Variants in DTNBP1 observed in about 807,000 individuals in gnomAD.
DTNBP1 encodes the protein dysbindin.
In DTNBP1, 35 loss-of-function variants were observed where a neutral mutation model predicts 42.8. The ratio of observed to expected loss-of-function variants is 0.82; its 90% CI spans 0.63 to 1.09. The LOEUF (loss-of-function observed/expected upper bound fraction) is 1.09. Ranked by LOEUF, DTNBP1 falls within the 50% of genes least tolerant of loss-of-function variation. The pLI, the probability that DTNBP1 is intolerant of heterozygous loss-of-function variation, is 0.00. For synonymous variants in DTNBP1, 171 were observed against 162.2 expected (o/e 1.05, Z -0.41); for missense variants, 457 against 424.2 (o/e 1.08, Z -0.68).
chr6:15,567,010 A>G (rs1775122606), intron 7 of DTNBP1, among the ~76,000 whole-genome samples: 2 of 152,138 alleles, frequency 1.3e-5, no homozygotes, highest in Admixed American at 1.3e-4. Context: ...CCCTATTAAC[A>G]TAACTAGGTC....
rs775443733 is a variant in DTNBP1 at position 15,595,763 on chromosome 6, C to T, written c.489-2682G>A. On this transcript the variant is annotated intron_variant, in intron 6 of 9. Transcript: ENST00000344537. ...ACTGTGAGGTCACAGAGGCCAAAGA[C>T]GACGCAGGTTATATTTAGGAAACAG... 2.4e-4 allele frequency among the ~76,000 whole-genome samples: 36 copies of T among 152,252 alleles called. 1 individual carries two copies. The highest frequency in any genetic ancestry group is 1.5e-3 in the South Asian group (7 of 4,820).
chr6:15,581,854 A>T (rs894239338), intron 7 of DTNBP1, among the ~76,000 whole-genome samples: 1 of 152,180 alleles, frequency 6.6e-6, no homozygotes, highest in Admixed American at 6.5e-5. Flanking sequence ...ATGGTCAAAT[A>T]TTTCCTGTCC....
chr6:15,638,770 T>G (rs1391922518), intron 3 of DTNBP1, among the ~76,000 whole-genome samples: 1 of 152,102 alleles, frequency 6.6e-6, no homozygotes, highest in East Asian at 1.9e-4. Context: ...AAGTACTAAC[T>G]TACAGTTAAT....
At chr6:15,603,268 AC>A (rs1470405850) in intron 6 of DTNBP1, among the ~76,000 whole-genome samples, 1 of 152,248 alleles carries the variant, frequency 6.6e-6, no homozygotes, top group African/African-American at 2.4e-5. Context: ...AAATGTGATT[AC>A]ATTATAATAA....
chr6:15,582,480 A>ATT (rs552728860), intron 7 of DTNBP1, among the ~76,000 whole-genome samples: 98 of 152,308 alleles, frequency 6.4e-4, no homozygotes, highest in Non-Finnish European at 1.2e-3. Context: ...CTTTTCACTA[A>ATT]TTTATTAGAG....
At chr6:15,560,897 C>T (rs1774808139) in intron 7 of DTNBP1, among the ~76,000 whole-genome samples, 1 of 152,214 alleles carries the variant, frequency 6.6e-6, no homozygotes, top group Non-Finnish European at 1.5e-5. Flanking sequence ...TCAAAGCCAA[C>T]TTAAAAAGAG....
chr6:15,660,300 T>C, intron 1 of DTNBP1: 4 of 1,247,682 alleles, frequency 3.2e-6, no homozygotes, highest in Non-Finnish European at 4.2e-6. Flanking sequence ...AAGGCAAAAA[T>C]AATCAGTTAT....
chr6:15,583,191 T>C (rs1219985172), intron 7 of DTNBP1, among the ~76,000 whole-genome samples: 2 of 152,110 alleles, frequency 1.3e-5, no homozygotes, highest in Non-Finnish European at 2.9e-5. Flanking sequence ...TATGTTACCC[T>C]GGGCTGGTGT....
At chr6:15,637,244 G>A (rs1173218262) in intron 4 of DTNBP1, among the ~76,000 whole-genome samples, 1 of 152,164 alleles carries the variant, frequency 6.6e-6, no homozygotes, top group Non-Finnish European at 1.5e-5. Context: ...TAAATTACAA[G>A]ACACTAGTGC....
Position 15,522,967 on chromosome 6 carries a change from G to A in DTNBP1, c.*8C>T. On this transcript the variant is annotated 3_prime_UTR_variant, in exon 10 of 10. Transcript: ENST00000344537. ...TCCAGTGTGGCCAGACAACGCCCATGTCCCAATTTAAGAGTCGCTGTCCTC... is the reference window on the plus strand; with the variant it reads ...TCCAGTGTGGCCAGACAACGCCCATATCCCAATTTAAGAGTCGCTGTCCTC... The A allele has an allele frequency of 6.2e-7, 1 of 1,614,188 alleles. No homozygotes were observed. Among genetic ancestry groups the A allele is most frequent in the Non-Finnish European group, 8.5e-7 (1 of 1,179,986 alleles).
chr6:15,526,270 G>C (rs1478708359), intron 8 of DTNBP1, among the ~76,000 whole-genome samples: 1 of 152,210 alleles, frequency 6.6e-6, no homozygotes, highest in Non-Finnish European at 1.5e-5. Context: ...AGACGTGTGA[G>C]TGTGTGAGTT....
At chr6:15,584,367 A>T (rs1282655665) in intron 7 of DTNBP1, among the ~76,000 whole-genome samples, 4 of 152,118 alleles carry the variant, frequency 2.6e-5, no homozygotes, top group Non-Finnish European at 5.9e-5. Flanking sequence ...TATGTCATTT[A>T]TCATACATTC....
chr6:15,607,596 C>G (rs1311844568), intron 6 of DTNBP1, among the ~76,000 whole-genome samples: 1 of 152,174 alleles, frequency 6.6e-6, no homozygotes, highest in Non-Finnish European at 1.5e-5. Context: ...GCCACCGTGC[C>G]CAGCAAAACA....
rs886061222 is a variant in DTNBP1 at position 15,522,837 on chromosome 6, T to C, written c.*138A>G. On this transcript the variant is annotated 3_prime_UTR_variant, in exon 10 of 10. Coordinates refer to ENST00000344537, the MANE Select transcript of DTNBP1 (RefSeq NM_032122.5). ...CGTCCTCACACTTTATTGTTAGCTG[T>C]TCTTTAAGTTTCTCACACATTATTG... The C allele has an allele frequency of 4.3e-5, 63 of 1,457,752 alleles. No individual in the cohort carries two copies. The highest frequency in any genetic ancestry group is 5.8e-5 in the Non-Finnish European group (61 of 1,052,602). The allele number at this position is 1,457,752 out of a possible 1,614,324, so 90.3% of individuals were successfully genotyped here.
At chr6:15,620,363 T>C (rs968056653) in intron 5 of DTNBP1, among the ~76,000 whole-genome samples, 1 of 152,174 alleles carries the variant, frequency 6.6e-6, no homozygotes, top group Non-Finnish European at 1.5e-5. Flanking sequence ...TTTATATATA[T>C]ATTTTTTTGT....
intron 7 of DTNBP1, among the ~76,000 whole-genome samples, chr6:15,544,664 C>T (rs968652504): frequency 3.3e-5 from 5 of 152,198 alleles, no homozygotes; most frequent in Non-Finnish European, 7.3e-5. Context: ...AGGAGATGCT[C>T]ATGGGAGCAT....
At chr6:15,605,711 A>G (rs1234345760) in intron 6 of DTNBP1, among the ~76,000 whole-genome samples, 1 of 152,208 alleles carries the variant, frequency 6.6e-6, no homozygotes, top group Non-Finnish European at 1.5e-5. Context: ...TATACTAAAT[A>G]TTAGCTCTTC....
At chr6:15,628,822 T>C (rs1163642699) in intron 4 of DTNBP1, among the ~76,000 whole-genome samples, 2 of 152,366 alleles carry the variant, frequency 1.3e-5, no homozygotes, top group East Asian at 3.9e-4. Context: ...ACAAAATTAT[T>C]TGTATGTAGT....
At position 15,561,740 on chromosome 6, in the gene DTNBP1, C is replaced by T. The variant is rs142494023; in HGVS notation, c.512-28345G>A. Among the ~76,000 whole-genome samples the T allele has an allele frequency of 1.1e-4, 16 of 152,264 alleles. No individual in the cohort carries two copies. In the East Asian group the frequency reaches 2.9e-3, roughly 28 times the overall value. On this transcript the variant is annotated intron_variant, in intron 7 of 9. Coordinates refer to ENST00000344537, the MANE Select transcript of DTNBP1 (RefSeq NM_032122.5). ...TGGGCTGAATTCTCAGGAGGTTAGG[C>T]ATTCTTAGTCATAGGATGAGATAGG...
Sources: gnomAD v4.1 joint callset for allele counts (sites outside exome capture counted in the v4.1 genomes callset) on GRCh38, gnomAD v4.1.1 for gene constraint, MANE v1.5 for transcripts, NCBI Gene and HGNC (gene_info 2026-07-23, HGNC 2026-07-21) for gene names.